Variants in PALM observed in about 807,000 individuals in gnomAD.
PALM encodes paralemmin-1.
PALM carries 18 observed loss-of-function variants against 30.7 expected under a neutral mutation model. The observed-to-expected ratio is 0.59, with a 90% CI of 0.41 to 0.87. PALM has a LOEUF of 0.87. Among genes scored for constraint, PALM ranks in the 40% least tolerant of loss-of-function variants. The pLI is 0.00. For synonymous variants in PALM, 286 were observed against 242.8 expected (o/e 1.18, Z -1.66); for missense variants, 529 against 555.4 (o/e 0.95, Z 0.48).
intron 1 of PALM, chr19:719,118 T>A: frequency 2.0e-6 from 2 of 984,228 alleles, no homozygotes; most frequent in Non-Finnish European, 2.4e-6. Context: ...GCTCGGCGCC[T>A]GCCCGGGCAG....
chr19:711,366 G>A (rs1050632288), intron 1 of PALM, among the ~76,000 whole-genome samples: 3 of 152,130 alleles, frequency 2.0e-5, no homozygotes, highest in Non-Finnish European at 4.4e-5. Flanking sequence ...CCTGTCCTGG[G>A]TACAGGCAAG....
At chr19:721,629 C>G (rs1215430883) in intron 1 of PALM, among the ~76,000 whole-genome samples, 1 of 151,462 alleles carries the variant, frequency 6.6e-6, no homozygotes, top group African/African-American at 2.4e-5. Context: ...CAGAGTTTCT[C>G]TCTTGTTGCC....
intron 8 of PALM, among the ~76,000 whole-genome samples, 171 bp downstream of exon 8, chr19:740,654 C>T (rs1389787968): frequency 2.6e-5 from 4 of 152,226 alleles, no homozygotes; most frequent in Non-Finnish European, 5.9e-5. Flanking sequence ...CAGCTGGGCT[C>T]AGAGGTCGTT....
chr19:740,312 G>T (rs142889233), intron 7 of PALM, 40 bp from the exon 8 acceptor site: 4 of 1,520,838 alleles, frequency 2.6e-6, no homozygotes, highest in South Asian at 1.2e-5. Flanking sequence ...GGGTGCGGGG[G>T]CGGGCAGGCC....
intron 1 of PALM, among the ~76,000 whole-genome samples, chr19:711,506 G>C (rs1221631242): frequency 6.6e-6 from 1 of 152,266 alleles, no homozygotes; most frequent in East Asian, 1.9e-4. Flanking sequence ...TGCTAACTGG[G>C]TCCTTAACGC....
At chr19:733,215 C>T (rs527425800) in intron 5 of PALM, among the ~76,000 whole-genome samples, 14 of 152,266 alleles carry the variant, frequency 9.2e-5, no homozygotes, top group South Asian at 6.2e-4. Context: ...CATGAGCCAC[C>T]GTGCCCAGCC....
In PALM at chr19:726,995, G is replaced by GC; in HGVS notation, c.58-10dup. 2.7e-6 allele frequency: 2 copies of GC among 753,612 alleles called. No homozygotes were observed. The highest frequency in any genetic ancestry group is 4.2e-6 in the Non-Finnish European group (2 of 479,438). 46.7% of individuals were successfully genotyped at this position (753,612 alleles called of 1,614,324 possible). A position where few individuals can be genotyped will look rare whatever the true frequency, so the allele number is the denominator to read the frequency against. Reference sequence around the variant, plus strand: ...CCACGCCCATCCCTGACCCCACCCGGCCCTCCCCACAGGAGAAGCGGAAGC... The same window carrying GC: ...CCACGCCCATCCCTGACCCCACCCGGCCCCTCCCCACAGGAGAAGCGGAAGC... On this transcript the variant is annotated splice_polypyrimidine_tract_variant and intron_variant, in intron 2 of 8. Transcript: ENST00000338448.
chr19:737,977 C>T (rs1251106065), intron 7 of PALM, among the ~76,000 whole-genome samples: 2 of 152,016 alleles, frequency 1.3e-5, no homozygotes, highest in Non-Finnish European at 2.9e-5. Flanking sequence ...TGGACGGTGC[C>T]AGGTGGAGGG....
intron 1 of PALM, among the ~76,000 whole-genome samples, chr19:720,170 A>G: frequency 6.6e-6 from 1 of 151,152 alleles, no homozygotes; most frequent in East Asian, 2.0e-4. Context: ...AATCCCCCCA[A>G]GCACAGGCCG....
At chr19:745,030 A>G (rs1294356479) in intron 8 of PALM, among the ~76,000 whole-genome samples, 1 of 151,422 alleles carries the variant, frequency 6.6e-6, no homozygotes, top group African/African-American at 2.4e-5. Flanking sequence ...ACGTACAAAA[A>G]TCAGCCTGGT....
intron 1 of PALM, among the ~76,000 whole-genome samples, chr19:716,802 G>C (rs556966005): frequency 6.6e-6 from 1 of 152,056 alleles, no homozygotes; most frequent in African/African-American, 2.4e-5. Flanking sequence ...ATACACACAC[G>C]TACACAGGTA....
At chr19:716,023 C>G (rs1419519755) in intron 1 of PALM, among the ~76,000 whole-genome samples, 1 of 152,054 alleles carries the variant, frequency 6.6e-6, no homozygotes, top group East Asian at 1.9e-4. Flanking sequence ...CCCAGGGTTT[C>G]AAGCAGAAAT....
At chr19:718,052 T>G (rs1367116555) in intron 1 of PALM, among the ~76,000 whole-genome samples, 1 of 151,922 alleles carries the variant, frequency 6.6e-6, no homozygotes, top group African/African-American at 2.4e-5. Flanking sequence ...CGTGGTGGCA[T>G]GTGCCTGTAA....
chr19:719,043 A>G, intron 1 of PALM: 1 of 374,394 alleles, frequency 2.7e-6, no homozygotes, highest in Non-Finnish European at 3.0e-6. Flanking sequence ...CCCACCCCCC[A>G]CAATGGCCAA....
At chr19:715,969 G>A (rs539976560) in intron 1 of PALM, among the ~76,000 whole-genome samples, 1 of 152,144 alleles carries the variant, frequency 6.6e-6, no homozygotes, top group Non-Finnish European at 1.5e-5. Flanking sequence ...GGACGTCTTG[G>A]TGTCTGAGGA....
intron 7 of PALM, among the ~76,000 whole-genome samples, chr19:737,749 C>T (rs893762625): frequency 2.6e-5 from 4 of 151,986 alleles, no homozygotes; most frequent in African/African-American, 7.3e-5. Flanking sequence ...GTTGGAGGAA[C>T]GGCCAGGAGA....
chr19:715,759 T>G (rs766282392), intron 1 of PALM, among the ~76,000 whole-genome samples: 9 of 152,080 alleles, frequency 5.9e-5, no homozygotes, highest in Non-Finnish European at 1.3e-4. Flanking sequence ...AAGCCTTGAT[T>G]GTGGCTGCAG....
At chr19:727,880 T>C in intron 4 of PALM, 186 bp downstream of exon 4, 1 of 604,210 alleles carries the variant, frequency 1.7e-6, no homozygotes, top group Non-Finnish European at 2.9e-6. Context: ...GGCATCCACC[T>C]GGGTCTGGGG....
chr19:734,159 C>A lies in PALM; in HGVS notation c.421-14C>A, dbSNP rs1254493259. 1.9e-6 allele frequency: 3 copies of A among 1,613,924 alleles called. No homozygotes were observed. The highest frequency in any genetic ancestry group is 1.6e-4 in the Middle Eastern group (1 of 6,062). On this transcript the variant is annotated splice_polypyrimidine_tract_variant and intron_variant, in intron 5 of 8. Transcript: ENST00000338448. ...ATGCTGACGCCCCTGACCCTTCTCT[C>A]TTCTTTCTTGCAGACGCCGGTGGGC...
Sources: gnomAD v4.1 joint callset for allele counts (sites outside exome capture counted in the v4.1 genomes callset) on GRCh38, gnomAD v4.1.1 for gene constraint, MANE v1.5 for transcripts, NCBI Gene and HGNC (gene_info 2026-07-23, HGNC 2026-07-21) for gene names.